The following COMMD3 variants were observed in gnomAD, a reference collection of about 807,000 sequenced individuals.
COMMD3 encodes COMM domain-containing protein 3.
COMMD3 carries 31 observed loss-of-function variants against 31.2 expected under a neutral mutation model. The observed-to-expected ratio is 0.99, with a 90% CI of 0.75 to 1.34. The LOEUF is 1.34. Ranked by LOEUF, COMMD3 falls within the 40% of genes most tolerant of loss-of-function variation. The probability of loss-of-function intolerance (pLI) is 0.00; values close to 1 mark genes in which losing one functional copy is unlikely to be tolerated. For synonymous variants in COMMD3, 108 were observed against 87.3 expected, an observed-to-expected ratio of 1.24 and a Z score of -1.32; for missense variants, 274 against 236.9, an observed-to-expected ratio of 1.16 and a Z score of -1.03.
At chr10:22,319,290 A>G in intron 7 of COMMD3, 1 of 321,148 alleles carries the variant, frequency 3.1e-6, no homozygotes, top group Non-Finnish European at 5.6e-6. Context: ...AATTTCTTCT[A>G]TTCATGATGA....
intron 6 of COMMD3, 30 bp from the exon 7 acceptor site, chr10:22,318,929 T>A (rs1233847119): frequency 1.2e-5 from 19 of 1,611,442 alleles, no homozygotes; most frequent in Non-Finnish European, 1.4e-5. Context: ...AAACAGCGTT[T>A]CTTGTTGCGT....
At position 22,319,997 on chromosome 10, in the gene COMMD3, A is replaced by G; in HGVS notation, c.587A>G (p.Ter196=). 5.0e-6 allele frequency: 8 copies of G among 1,614,156 alleles called. No individual in the cohort carries two copies. The highest frequency in any genetic ancestry group is 6.8e-6 in the Non-Finnish European group (8 of 1,180,002). The change falls in exon 8 of 8, where the codon TAA becomes TGA. Residue 196 remains the stop codon, a stop_retained_variant. Transcript: ENST00000376836. ...AGCCTGGAAAGAGCAACTCAGTTGT[A>G]ACTTGGGGAAGTTAACGATCCGCCC... The part of the protein sequence containing the change: ...SKSLERATQL[*]
intron 4 of COMMD3, 157 bp downstream of exon 4, chr10:22,318,463 C>T: frequency 1.7e-6 from 2 of 1,173,280 alleles, no homozygotes; most frequent in Admixed American, 2.3e-5. Flanking sequence ...TTTTAAAGAT[C>T]GTTTATTGAG....
chr10:22,318,237 TTTTC>T (rs757828064), intron 3 of COMMD3, 31 bp from the exon 4 acceptor site: 10 of 1,589,826 alleles, frequency 6.3e-6, no homozygotes, highest in South Asian at 3.5e-5. Context: ...AGATGTTTTT[TTTTC>T]TTTCTTTCTT....
At chr10:22,317,688 AG>A in intron 1 of COMMD3, 195 bp from the exon 2 acceptor site, 1 of 478,334 alleles carries the variant, frequency 2.1e-6, no homozygotes. Context: ...GTAATAGTAG[AG>A]TTCTTGTTGT....
chr10:22,320,164 G>A lies in COMMD3; in HGVS notation c.*166G>A. 1 of 1,509,498 alleles carries A rather than the reference G, an allele frequency of 6.6e-7. No individual in the cohort carries two copies. The highest frequency in any genetic ancestry group is 8.9e-7 in the Non-Finnish European group (1 of 1,123,452). 93.5% of individuals were successfully genotyped at this position (1,509,498 alleles called of 1,614,324 possible). ...TTGACACTTTAAAAACGTGTGAAAGGGTTAAGAGGGAAAGATACTGCCCAA... is the reference window on the plus strand; with the variant it reads ...TTGACACTTTAAAAACGTGTGAAAGAGTTAAGAGGGAAAGATACTGCCCAA... On this transcript the variant is annotated 3_prime_UTR_variant, in exon 8 of 8. Transcript: ENST00000376836.
At chr10:22,316,613 G>A in intron 1 of COMMD3, 57 bp downstream of exon 1, 1 of 1,424,986 alleles carries the variant, frequency 7.0e-7, no homozygotes, top group Non-Finnish European at 9.3e-7. Flanking sequence ...GGCGCTCGGA[G>A]AAGAGGAGCC....
rs770665623 is a variant in COMMD3 at position 22,320,083 on chromosome 10, G to T, written c.*85G>T. On this transcript the variant is annotated 3_prime_UTR_variant, in exon 8 of 8. Transcript: ENST00000376836. The stretch of plus-strand genomic sequence containing the variant: ...GCTGAACCACCGTTTGTGCGAGCTG[G>T]ATGTCCTTTTCAGTAGAAAAGAATT... The T allele has an allele frequency of 2.9e-5, 47 of 1,611,992 alleles. No homozygotes were observed. Among genetic ancestry groups the T allele is most frequent in the Non-Finnish European group, 3.9e-5 (46 of 1,179,092 alleles).
chr10:22,317,803 C>A, intron 1 of COMMD3, 81 bp from the exon 2 acceptor site: 1 of 1,502,776 alleles, frequency 6.7e-7, no homozygotes, highest in Non-Finnish European at 9.1e-7. Flanking sequence ...GGTTTTTAAA[C>A]CCAAATTAAA....
rs1033895290 is a variant in COMMD3, at chr10:22,318,588, A to G, written c.351-65A>G. 1.2e-5 allele frequency: 17 copies of G among 1,405,040 alleles called. No individual in the cohort carries two copies. In the African/African-American group the frequency reaches 2.1e-4, roughly 18 times the overall value. The allele number at this position is 1,405,040 out of a possible 1,614,324, so 87.0% of individuals were successfully genotyped here. A position where few individuals can be genotyped will look rare whatever the true frequency, so the allele number is the denominator to read the frequency against. On this transcript the variant is annotated intron_variant, in intron 4 of 7. Transcript: ENST00000376836. Reference sequence around the variant, plus strand: ...GGTGGAAAGTAGAGCCATTCTTAGTAAATATAAATAACTGAAAAGTTCTTC... The same window carrying G: ...GGTGGAAAGTAGAGCCATTCTTAGTGAATATAAATAACTGAAAAGTTCTTC...
chr10:22,318,617 G>C, intron 4 of COMMD3, 36 bp from the exon 5 acceptor site: 1 of 1,569,432 alleles, frequency 6.4e-7, no homozygotes, highest in Non-Finnish European at 8.8e-7. Context: ...GTTCTTCTGA[G>C]GAGACTATGT....
In COMMD3 at chr10:22,320,303, C is replaced by G; in HGVS notation, c.*305C>G. 1 of 500,194 alleles carries G rather than the reference C, an allele frequency of 2.0e-6. No individual in the cohort carries two copies. Among genetic ancestry groups the G allele is most frequent in the Non-Finnish European group, 3.3e-6 (1 of 307,642 alleles). The allele number at this position is 500,194 out of a possible 1,614,324, so 31.0% of individuals were successfully genotyped here. On this transcript the variant is annotated 3_prime_UTR_variant, in exon 8 of 8. Coordinates refer to ENST00000376836, the MANE Select transcript of COMMD3 (RefSeq NM_012071.4). ...TGAATAAATAAGGTGTTGTTTTCCA[C>G]AAAGAGTGATGATATTTTGTTTGGA...
rs762099166 is a variant in COMMD3, at chr10:22,318,977, T to C, written c.487T>C (p.Tyr163His). 5 of 1,612,726 alleles carry C rather than the reference T, an allele frequency of 3.1e-6. No homozygotes were observed. The highest frequency in any genetic ancestry group is 1.1e-5 in the South Asian group (1 of 90,902). The change falls in exon 7 of 8, where the codon TAT (tyrosine) becomes CAT (histidine). Residue 163 changes from tyrosine (Y) to histidine (H), a missense_variant. Tyr to His is a moderately conservative substitution (Grantham distance 83). Coordinates refer to ENST00000376836, the MANE Select transcript of COMMD3 (RefSeq NM_012071.4). Reference protein sequence around the residue: ...LSVQNTDSPSYPEISFSCSME... With the variant: ...LSVQNTDSPSHPEISFSCSME... ...GCCCTAGAACACTGATTCCCCATCC[T>C]ATCCAGAGATTAGTTTTAGTTGCAG...
Position 22,318,955 on chromosome 10 carries a change from C to A in COMMD3, c.469-4C>A, listed in dbSNP as rs751963040. ...CTTGTTGCGTGTTTTTTTTCCTGCC[C>A]TAGAACACTGATTCCCCATCCTATC... is the stretch of plus-strand genomic sequence containing the variant. On this transcript the variant is annotated splice_region_variant and splice_polypyrimidine_tract_variant and intron_variant, in intron 6 of 7. Coordinates refer to ENST00000376836, the MANE Select transcript of COMMD3 (RefSeq NM_012071.4). 5 of 1,612,246 alleles carry A rather than the reference C, an allele frequency of 3.1e-6. No individual in the cohort carries two copies. Among genetic ancestry groups the A allele is most frequent in the Non-Finnish European group, 4.2e-6 (5 of 1,179,468 alleles).
Position 22,318,790 on chromosome 10 carries a change from T to G in COMMD3, c.412-16T>G, listed in dbSNP as rs916514886. On this transcript the variant is annotated splice_polypyrimidine_tract_variant and intron_variant, in intron 5 of 7. Coordinates refer to ENST00000376836, the MANE Select transcript of COMMD3 (RefSeq NM_012071.4). ...CTAGAGTTAAAAGCTGTTGCGTGTTTGTTGTGTTATTTTAGACCAATCAAC... is the reference window on the plus strand; with the variant it reads ...CTAGAGTTAAAAGCTGTTGCGTGTTGGTTGTGTTATTTTAGACCAATCAAC... 25 of 1,613,886 alleles carry G rather than the reference T, an allele frequency of 1.5e-5. No individual in the cohort carries two copies. Among genetic ancestry groups the G allele is most frequent in the Non-Finnish European group, 2.0e-5 (24 of 1,179,932 alleles).
chr10:22,318,419 A>C, intron 4 of COMMD3, 113 bp downstream of exon 4: 1 of 1,430,078 alleles, frequency 7.0e-7, no homozygotes, highest in South Asian at 1.3e-5. Context: ...AAGGAGCCAA[A>C]GGGCATGTCA....
At chr10:22,318,331 C>A in intron 4 of COMMD3, 25 bp downstream of exon 4, 3 of 1,585,052 alleles carry the variant, frequency 1.9e-6, no homozygotes, top group Non-Finnish European at 1.7e-6. Context: ...AGGTGTCAAG[C>A]TGAGGCACTT....
chr10:22,319,364 A>G, intron 7 of COMMD3: 1 of 203,220 alleles, frequency 4.9e-6, no homozygotes, highest in African/African-American at 2.3e-5. Context: ...GCTTTCAGAA[A>G]TTGAATTAAA....
rs138257852 is a variant in COMMD3, at chr10:22,318,676, T to C, written c.374T>C (p.Ile125Thr). ...LGSIGRSLPH[I>T]TDVSWRLEYQ... ...AGTATAGGCAGATCTCTCCCTCATA[T>C]AACGGATGTTTCTTGGCGCTTGGAA... Residue 125 changes from isoleucine to threonine, a missense_variant, in exon 5 of 8, where the codon ATA (isoleucine) becomes ACA (threonine). Transcript: ENST00000376836. The C allele has an allele frequency of 6.2e-7, 1 of 1,613,430 alleles. No homozygotes were observed. Among genetic ancestry groups the C allele is most frequent in the African/African-American group, 1.3e-5 (1 of 75,030 alleles).
Sources: gnomAD v4.1 joint callset for allele counts on GRCh38, gnomAD v4.1.1 for gene constraint, MANE v1.5 for transcripts, NCBI Gene and HGNC (gene_info 2026-07-23, HGNC 2026-07-21) for gene names.